Variants in KCNQ5 observed in about 807,000 individuals in gnomAD.
KCNQ5 encodes the protein potassium voltage-gated channel subfamily KQT member 5.
Under a neutral mutation model 98.2 loss-of-function variants are expected in KCNQ5, and 30 were observed. That is an observed-to-expected ratio of 0.31 (90% CI 0.23 to 0.41). The LOEUF (loss-of-function observed/expected upper bound fraction) is 0.41, where lower values mean the gene tolerates loss of function less well. Among genes scored for constraint, KCNQ5 ranks in the 10% least tolerant of loss-of-function variants. The pLI is 1.00. For synonymous variants in KCNQ5, 458 were observed against 449.4 expected (o/e 1.02, Z -0.24); for missense variants, 835 against 1,182.5 (o/e 0.71, Z 4.31).
intron 2 of KCNQ5, among the ~76,000 whole-genome samples, chr6:73,035,479 A>G (rs750535703): frequency 6.6e-6 from 1 of 152,198 alleles, no homozygotes; most frequent in Non-Finnish European, 1.5e-5. Flanking sequence ...TTTCAACTAA[A>G]ACCAAGCAAG....
chr6:73,116,613 C>A (rs925305917), intron 7 of KCNQ5, among the ~76,000 whole-genome samples: 1 of 152,134 alleles, frequency 6.6e-6, no homozygotes. Flanking sequence ...GAGTTTGAAG[C>A]TGCTGTGAGC....
intron 1 of KCNQ5, among the ~76,000 whole-genome samples, chr6:72,976,260 T>C (rs1432838845): frequency 1.3e-5 from 2 of 152,206 alleles, no homozygotes; most frequent in Admixed American, 6.5e-5. Flanking sequence ...ATTATTTGCC[T>C]AATAAATTTA....
chr6:73,133,729 T>G, intron 10 of KCNQ5, 88 bp downstream of exon 10: 1 of 1,160,160 alleles, frequency 8.6e-7, no homozygotes, highest in East Asian at 2.5e-5. Flanking sequence ...TAGTGCCACT[T>G]GAAGAAAGAA....
Position 72,856,105 on chromosome 6 carries a change from T to C in KCNQ5, c.399-147803T>C, listed in dbSNP as rs1325056521. Among the ~76,000 whole-genome samples the C allele has an allele frequency of 2.6e-5, 4 of 152,230 alleles. No homozygotes were observed. The East Asian group carries it at 5.8e-4, about 22-fold the overall frequency. On this transcript the variant is annotated intron_variant, in intron 1 of 13. Transcript: ENST00000370398. Reference sequence around the variant, plus strand: ...AAATGGTATTTCTATTTTGGCTCTGTTAGCAATTCTGTTGTTTCTATCATT... The same window carrying C: ...AAATGGTATTTCTATTTTGGCTCTGCTAGCAATTCTGTTGTTTCTATCATT...
rs559050416 is a variant in KCNQ5 at position 72,622,677 on chromosome 6, C to T, written c.398+90C>T. 2 of 1,461,104 alleles carry T rather than the reference C, an allele frequency of 1.4e-6. No homozygotes were observed. Among genetic ancestry groups the T allele is most frequent in the Admixed American group, 2.1e-5 (1 of 47,704 alleles). 90.5% of individuals were successfully genotyped at this position (1,461,104 alleles called of 1,614,324 possible). On this transcript the variant is annotated intron_variant, in intron 1 of 13. Coordinates refer to ENST00000370398, the MANE Select transcript of KCNQ5 (RefSeq NM_019842.4). The surrounding 1 kb of genome is among the most constrained non-coding windows in gnomAD (Gnocchi z 6.0). ...TGCTCCGCGCTCGCGCCCTTGGGCC[C>T]CCGCGCGCGTGCACACGTGGTGGCT...
chr6:72,782,264 C>T (rs560729057), intron 1 of KCNQ5, among the ~76,000 whole-genome samples: 2 of 152,224 alleles, frequency 1.3e-5, no homozygotes, highest in East Asian at 1.9e-4. Context: ...CTCTCTCTCT[C>T]TCCCACAAGA....
intron 2 of KCNQ5, 77 bp from the exon 3 acceptor site, chr6:73,041,859 C>A: frequency 6.4e-7 from 1 of 1,558,566 alleles, no homozygotes; most frequent in Non-Finnish European, 8.8e-7. Context: ...CCTAAATGTC[C>A]AAAAATATGC....
intron 1 of KCNQ5, among the ~76,000 whole-genome samples, chr6:72,784,402 G>A (rs1333125651): frequency 6.6e-6 from 1 of 152,178 alleles, no homozygotes; most frequent in East Asian, 1.9e-4. Context: ...GTCATTGGGA[G>A]ATTTCTGCTG....
intron 10 of KCNQ5, among the ~76,000 whole-genome samples, chr6:73,156,685 A>G (rs1447204684): frequency 6.6e-6 from 1 of 152,224 alleles, no homozygotes; most frequent in Non-Finnish European, 1.5e-5. Flanking sequence ...CTTTCACTGT[A>G]AGTAACATAT....
intron 10 of KCNQ5, among the ~76,000 whole-genome samples, chr6:73,139,045 C>G (rs1776598492): frequency 6.6e-6 from 1 of 152,250 alleles, no homozygotes; most frequent in African/African-American, 2.4e-5. Context: ...GGCTTCATTT[C>G]TCTGATTCTC....
At chr6:72,849,634 G>A (rs9446768) in intron 1 of KCNQ5, among the ~76,000 whole-genome samples, 41 of 152,110 alleles carry the variant, frequency 2.7e-4, no homozygotes, top group Admixed American at 9.8e-4. Flanking sequence ...GGAAAAGGGG[G>A]CAAGCAGACA....
intron 1 of KCNQ5, among the ~76,000 whole-genome samples, chr6:72,943,776 G>T (rs922436962): frequency 7.2e-4 from 110 of 152,226 alleles, no homozygotes; most frequent in African/African-American, 2.5e-3. Context: ...CTGTAAAATG[G>T]GAATGATATT....
intron 1 of KCNQ5, among the ~76,000 whole-genome samples, chr6:72,718,958 AC>A (rs1300394952): frequency 2.0e-5 from 3 of 152,194 alleles, no homozygotes; most frequent in Non-Finnish European, 2.9e-5. Context: ...AATAGTTCAA[AC>A]ATGGATATAA....
At chr6:72,679,338 G>A (rs1368249536) in intron 1 of KCNQ5, among the ~76,000 whole-genome samples, 1 of 152,020 alleles carries the variant, frequency 6.6e-6, no homozygotes, top group Admixed American at 6.5e-5. Context: ...GTCCAACAAA[G>A]ATAGACTGGA....
At chr6:72,662,399 TC>T (rs1350273812) in intron 1 of KCNQ5, among the ~76,000 whole-genome samples, 2 of 152,206 alleles carry the variant, frequency 1.3e-5, no homozygotes, top group Admixed American at 6.5e-5. Context: ...CTCTAGCCAA[TC>T]AGAAATGTGG....
intron 1 of KCNQ5, among the ~76,000 whole-genome samples, chr6:72,648,609 T>C (rs1455233672): frequency 2.0e-5 from 3 of 151,994 alleles, no homozygotes; most frequent in Admixed American, 6.6e-5. Flanking sequence ...ATGTTTAGAC[T>C]TGGTAGATAC....
intron 1 of KCNQ5, among the ~76,000 whole-genome samples, chr6:72,951,181 C>G (rs995433117): frequency 2.0e-5 from 3 of 152,212 alleles, no homozygotes; most frequent in Non-Finnish European, 2.9e-5. Flanking sequence ...TTGTTCTTCT[C>G]AGATCCTCTC....
At chr6:72,836,610 T>C (rs1382018790) in intron 1 of KCNQ5, among the ~76,000 whole-genome samples, 1 of 152,128 alleles carries the variant, frequency 6.6e-6, no homozygotes. Flanking sequence ...TGCTAATTTT[T>C]TTTTTTCTGT....
At chr6:72,805,793 C>G (rs961016417) in intron 1 of KCNQ5, among the ~76,000 whole-genome samples, 2 of 152,086 alleles carry the variant, frequency 1.3e-5, no homozygotes, top group Non-Finnish European at 2.9e-5. Flanking sequence ...GATTCCCCAC[C>G]TATGGACATG....
Sources: allele counts gnomAD v4.1 joint callset (sites outside exome capture counted in the v4.1 genomes callset), GRCh38; gene constraint gnomAD v4.1.1; non-coding constraint Gnocchi (gnomAD v3.1); transcripts MANE v1.5; gene names NCBI Gene and HGNC (gene_info 2026-07-23, HGNC 2026-07-21).